SMOC1: variants seen among roughly 807,000 people sequenced by gnomAD.
SMOC1 encodes SPARC-related modular calcium-binding protein 1.
SMOC1 carries 22 observed loss-of-function variants against 56.3 expected under a neutral mutation model. That is an observed-to-expected ratio of 0.39 (90% CI 0.28 to 0.56). SMOC1 has a LOEUF of 0.56. SMOC1 is among the 20% of genes least tolerant of loss of function. SMOC1 has a pLI of 0.61. For synonymous variants in SMOC1, 193 were observed against 215.0 expected, an observed-to-expected ratio of 0.90 and a Z score of 0.89; for missense variants, 509 against 565.4, an observed-to-expected ratio of 0.90 and a Z score of 1.01.
chr14:69,944,352 G>A (rs1320549513), intron 1 of SMOC1, among the ~76,000 whole-genome samples: 2 of 152,192 alleles, frequency 1.3e-5, no homozygotes, highest in Non-Finnish European at 2.9e-5. Flanking sequence ...GAAAGGGGCC[G>A]GCGTGTGCAC....
At chr14:69,910,406 G>T (rs1274230123) in intron 1 of SMOC1, among the ~76,000 whole-genome samples, 1 of 152,192 alleles carries the variant, frequency 6.6e-6, no homozygotes, top group African/African-American at 2.4e-5. Context: ...TGGGTGGAAA[G>T]AAACGGTTGG....
chr14:69,902,763 C>G (rs921541534), intron 1 of SMOC1, among the ~76,000 whole-genome samples: 1 of 151,674 alleles, frequency 6.6e-6, no homozygotes, highest in Non-Finnish European at 1.5e-5. Context: ...ATTGCAGGCG[C>G]GCGCCGCCAC....
chr14:69,912,563 T>C (rs1884581846), intron 1 of SMOC1, among the ~76,000 whole-genome samples: 1 of 152,148 alleles, frequency 6.6e-6, no homozygotes, highest in South Asian at 2.1e-4. Flanking sequence ...AAGGCATAAT[T>C]ATACATCATT....
At chr14:69,917,702 CCTT>C (rs926264311) in intron 1 of SMOC1, among the ~76,000 whole-genome samples, 2 of 152,168 alleles carry the variant, frequency 1.3e-5, no homozygotes, top group Non-Finnish European at 2.9e-5. Context: ...TCTTTCTTCA[CCTT>C]CTTTTCAAAA....
rs1212703307 is a variant in SMOC1, at chr14:70,030,381, G to A, written c.*123G>A. ...GTGTAACATAAGTGGTGCCCACCATGTTTGCACTTTTAATAACTCTTACTT... is the reference window on the plus strand; with the variant it reads ...GTGTAACATAAGTGGTGCCCACCATATTTGCACTTTTAATAACTCTTACTT... On this transcript the variant is annotated 3_prime_UTR_variant, in exon 12 of 12. Transcript: ENST00000361956. The A allele has an allele frequency of 1.6e-6, 2 of 1,270,384 alleles. No homozygotes were observed. The highest frequency in any genetic ancestry group is 2.2e-6 in the Non-Finnish European group (2 of 896,696). 78.7% of individuals were successfully genotyped at this position (1,270,384 alleles called of 1,614,324 possible).
At chr14:69,983,915 A>C (rs1884272436) in intron 5 of SMOC1, among the ~76,000 whole-genome samples, 1 of 152,228 alleles carries the variant, frequency 6.6e-6, no homozygotes, top group African/African-American at 2.4e-5. Context: ...TGTCACTCTC[A>C]GGTTCCATTG....
At chr14:69,910,637 A>G (rs926422090) in intron 1 of SMOC1, among the ~76,000 whole-genome samples, 1 of 151,870 alleles carries the variant, frequency 6.6e-6, no homozygotes, top group Non-Finnish European at 1.5e-5. Context: ...CTCTATTGCA[A>G]TAAGCCTTGG....
chr14:69,932,216 C>G (rs953617890), intron 1 of SMOC1, among the ~76,000 whole-genome samples: 1 of 152,238 alleles, frequency 6.6e-6, no homozygotes, highest in Non-Finnish European at 1.5e-5. Context: ...GTTTTGCCTG[C>G]AGATGTGTGA....
intron 1 of SMOC1, among the ~76,000 whole-genome samples, chr14:69,882,047 C>T (rs1240224536): frequency 6.6e-6 from 1 of 152,114 alleles, no homozygotes; most frequent in East Asian, 1.9e-4. Flanking sequence ...ATACAGAACC[C>T]GGATACATCA....
chr14:69,987,541 C>G (rs1339484144), intron 5 of SMOC1, among the ~76,000 whole-genome samples: 1 of 152,214 alleles, frequency 6.6e-6, no homozygotes, highest in Non-Finnish European at 1.5e-5. Context: ...AATGGACTTG[C>G]CAGCCCCTTG....
At chr14:69,883,065 TA>T in intron 1 of SMOC1, among the ~76,000 whole-genome samples, 2 of 152,362 alleles carry the variant, frequency 1.3e-5, no homozygotes, top group South Asian at 4.1e-4. Context: ...TTTTGAAGTA[TA>T]TATACATTAT....
chr14:69,912,326 G>C (rs1884574974), intron 1 of SMOC1, among the ~76,000 whole-genome samples: 1 of 152,156 alleles, frequency 6.6e-6, no homozygotes, highest in Non-Finnish European at 1.5e-5. Flanking sequence ...ATAGCTCACT[G>C]CAACCTTGAA....
chr14:69,947,117 C>CTTCT (rs1489111767), intron 1 of SMOC1, among the ~76,000 whole-genome samples: 13 of 151,288 alleles, frequency 8.6e-5, no homozygotes, highest in Non-Finnish European at 1.9e-4. Context: ...TCCTTCCTTC[C>CTTCT]TTCCTTCCTT....
intron 5 of SMOC1, among the ~76,000 whole-genome samples, chr14:69,979,334 C>T (rs227443): frequency 0.042 from 6,372 of 152,174 alleles, 288 homozygotes; most frequent in African/African-American, 0.11. Flanking sequence ...ATACCACCAC[C>T]CACCAGAAAA....
intron 1 of SMOC1, among the ~76,000 whole-genome samples, chr14:69,938,319 T>A (rs1011288936): frequency 6.6e-6 from 1 of 152,156 alleles, no homozygotes; most frequent in South Asian, 2.1e-4. Context: ...GTGGGCTATG[T>A]TGAGGCTGTT....
intron 6 of SMOC1, 67 bp downstream of exon 6, chr14:69,992,540 C>G (rs895488149): frequency 8.5e-7 from 1 of 1,176,878 alleles, no homozygotes; most frequent in African/African-American, 1.5e-5. Context: ...AAAGTCTTAA[C>G]GTTGGATGTT....
intron 1 of SMOC1, among the ~76,000 whole-genome samples, chr14:69,934,002 C>A (rs993094323): frequency 6.6e-6 from 1 of 152,248 alleles, no homozygotes; most frequent in Admixed American, 6.5e-5. Context: ...TTTTTATGTG[C>A]CAACCCACTC....
intron 1 of SMOC1, among the ~76,000 whole-genome samples, chr14:69,936,245 C>T (rs1342162319): frequency 6.6e-6 from 1 of 152,218 alleles, no homozygotes; most frequent in Non-Finnish European, 1.5e-5. Flanking sequence ...CACAGCACCA[C>T]TTTGGCTTGG....
Position 70,013,496 on chromosome 14 carries a change from G to A in SMOC1, c.1046+5G>A, listed in dbSNP as rs747723977. Reference sequence around the variant, plus strand: ...AGCGCCCACTGGAGGTGGGAGGTGAGATTGTGAGCAGGAATCAGGCCCAGG... The same window carrying A: ...AGCGCCCACTGGAGGTGGGAGGTGAAATTGTGAGCAGGAATCAGGCCCAGG... On this transcript the variant is annotated splice_donor_5th_base_variant and intron_variant, in intron 10 of 11. Transcript: ENST00000361956. 1 of 1,613,658 alleles carries A rather than the reference G, an allele frequency of 6.2e-7. No individual in the cohort carries two copies. The highest frequency in any genetic ancestry group is 1.7e-5 in the Admixed American group (1 of 60,030).
Sources: gnomAD v4.1 joint callset for allele counts (sites outside exome capture counted in the v4.1 genomes callset) on GRCh38, gnomAD v4.1.1 for gene constraint, MANE v1.5 for transcripts, NCBI Gene and HGNC (gene_info 2026-07-23, HGNC 2026-07-21) for gene names.